The following BFSP2 variants were observed in gnomAD, a reference collection of about 807,000 sequenced individuals.
BFSP2 encodes phakinin.
In BFSP2, 38 loss-of-function variants were observed where a neutral mutation model predicts 44.9. The ratio of observed to expected loss-of-function variants is 0.85; its 90% CI spans 0.65 to 1.11. The LOEUF is 1.11. Ranked by LOEUF, BFSP2 falls within the 50% of genes least tolerant of loss-of-function variation. The pLI, the probability that BFSP2 is intolerant of heterozygous loss-of-function variation, is 0.00. For missense variants in BFSP2, 525 were observed against 533.0 expected (o/e 0.99, Z 0.15); for synonymous variants, 197 against 209.9 (o/e 0.94, Z 0.53).
At chr3:133,435,053 A>G (rs1309324750) in intron 1 of BFSP2, among the ~76,000 whole-genome samples, 4 of 152,224 alleles carry the variant, frequency 2.6e-5, no homozygotes, top group African/African-American at 9.6e-5. Flanking sequence ...ACTGAAGAAA[A>G]ATGAGTGCCC....
intron 1 of BFSP2, among the ~76,000 whole-genome samples, chr3:133,403,699 A>G (rs1312295756): frequency 2.0e-5 from 3 of 152,160 alleles, no homozygotes; most frequent in South Asian, 2.1e-4. Flanking sequence ...GGGGGAGAAG[A>G]GTTGGAAAGG....
intron 6 of BFSP2, among the ~76,000 whole-genome samples, chr3:133,473,438 C>CAAAAAAAA (rs748691333): frequency 1.4e-5 from 1 of 73,116 alleles, no homozygotes; most frequent in African/African-American, 5.2e-5. Context: ...GAGGCAGCAG[C>CAAAAAAAA]AAAAAAAAAA....
intron 4 of BFSP2, 129 bp from the exon 5 acceptor site, chr3:133,466,699 A>AAAAAAAAGTT: frequency 1.5e-6 from 1 of 674,344 alleles, no homozygotes; most frequent in Non-Finnish European, 2.4e-6. Context: ...AAAAAAAAAG[A>AAAAAAAAGTT]TGTTTCCACG....
At chr3:133,466,394 T>G (rs2074109482) in intron 4 of BFSP2, among the ~76,000 whole-genome samples, 1 of 151,814 alleles carries the variant, frequency 6.6e-6, no homozygotes, top group Admixed American at 6.6e-5. Context: ...AAAAAGACAT[T>G]TCCAGCCAGG....
chr3:133,471,233 T>C (rs2074158767), intron 5 of BFSP2, among the ~76,000 whole-genome samples: 1 of 151,566 alleles, frequency 6.6e-6, no homozygotes, highest in Non-Finnish European at 1.5e-5. Context: ...GAACTAGAGG[T>C]GGGGAGATGA....
chr3:133,406,287 GGTTTCTGGAAGTTGAAT>G (rs1479009574), intron 1 of BFSP2, among the ~76,000 whole-genome samples: 1 of 152,284 alleles, frequency 6.6e-6, no homozygotes, highest in African/African-American at 2.4e-5. Context: ...TAAGAAAGGT[GGTTTCTGGAAGTTGAAT>G]GTGTCTGGAA....
chr3:133,432,788 C>T (rs2073736743), intron 1 of BFSP2, among the ~76,000 whole-genome samples: 1 of 152,176 alleles, frequency 6.6e-6, no homozygotes, highest in African/African-American at 2.4e-5. Flanking sequence ...ACCCCAGCAC[C>T]TTCTACAAAA....
chr3:133,446,395 T>C (rs958516064), intron 1 of BFSP2, among the ~76,000 whole-genome samples: 1 of 151,244 alleles, frequency 6.6e-6, no homozygotes, highest in African/African-American at 2.4e-5. Flanking sequence ...CACTCCAGCC[T>C]GGGCAACAAA....
intron 1 of BFSP2, among the ~76,000 whole-genome samples, chr3:133,430,757 C>T (rs1161959020): frequency 3.9e-5 from 6 of 152,198 alleles, no homozygotes; most frequent in East Asian, 3.9e-4. Flanking sequence ...CCCCAAGCGT[C>T]GCTGAGTCTT....
rs542822013 is a variant in BFSP2 at position 133,431,698 on chromosome 3, C to T, written c.490-15619C>T. On this transcript the variant is annotated intron_variant, in intron 1 of 6. Coordinates refer to ENST00000302334, the MANE Select transcript of BFSP2 (RefSeq NM_003571.4). ...TAAGTCCATCCCCTTCTTATCAATACGAGGCTACCCACTCCACATTACCTT... is the reference window on the plus strand; with the variant it reads ...TAAGTCCATCCCCTTCTTATCAATATGAGGCTACCCACTCCACATTACCTT... Among the ~76,000 whole-genome samples the T allele has an allele frequency of 3.3e-5, 5 of 152,194 alleles. No homozygotes were observed. In the East Asian group the frequency reaches 5.8e-4, roughly 18 times the overall value.
At chr3:133,418,166 C>T (rs1477509083) in intron 1 of BFSP2, among the ~76,000 whole-genome samples, 2 of 152,020 alleles carry the variant, frequency 1.3e-5, no homozygotes, top group Non-Finnish European at 2.9e-5. Flanking sequence ...TCTCTCCCCT[C>T]TCTTCCCACC....
intron 6 of BFSP2, among the ~76,000 whole-genome samples, chr3:133,472,983 T>TA (rs1422811996): frequency 6.6e-6 from 1 of 151,238 alleles, no homozygotes; most frequent in African/African-American, 2.4e-5. Context: ...GGGTCTCGTC[T>TA]CGGTATGTTG....
intron 1 of BFSP2, among the ~76,000 whole-genome samples, chr3:133,422,390 T>C (rs1309770713): frequency 1.3e-5 from 2 of 152,200 alleles, no homozygotes; most frequent in African/African-American, 2.4e-5. Flanking sequence ...GTAGATGAGA[T>C]GGATCGTTTC....
At chr3:133,439,026 T>C (rs565688298) in intron 1 of BFSP2, among the ~76,000 whole-genome samples, 1 of 152,340 alleles carries the variant, frequency 6.6e-6, no homozygotes, top group Non-Finnish European at 1.5e-5. Flanking sequence ...TTACTTAAAC[T>C]CTCTGAGACT....
In BFSP2 at chr3:133,446,608, A is replaced by G. The variant is rs868726127; in HGVS notation, c.490-709A>G. Among the ~76,000 whole-genome samples, 2 of 46,726 alleles carry G rather than the reference A, an allele frequency of 4.3e-5. 1 individual carries two copies. The highest frequency in any genetic ancestry group is 2.0e-4 in the African/African-American group (2 of 10,204). 30.7% of individuals were successfully genotyped at this position (46,726 alleles called of 152,430 possible). ...TATATATATATATATATATATATAT[A>G]TATATATATATATATATATATATAT... On this transcript the variant is annotated intron_variant, in intron 1 of 6. Coordinates refer to ENST00000302334, the MANE Select transcript of BFSP2 (RefSeq NM_003571.4).
intron 1 of BFSP2, among the ~76,000 whole-genome samples, chr3:133,447,000 C>T (rs761824076): frequency 6.6e-6 from 1 of 151,922 alleles, no homozygotes; most frequent in Non-Finnish European, 1.5e-5. Context: ...TCTAAGGAGC[C>T]GGACTCTGCC....
chr3:133,408,212 A>C (rs929079324), intron 1 of BFSP2, among the ~76,000 whole-genome samples: 1 of 152,162 alleles, frequency 6.6e-6, no homozygotes, highest in Non-Finnish European at 1.5e-5. Context: ...TAAATGTTAG[A>C]GATATGAACA....
intron 1 of BFSP2, among the ~76,000 whole-genome samples, chr3:133,439,895 G>A (rs2073827233): frequency 6.6e-6 from 1 of 151,936 alleles, no homozygotes; most frequent in Non-Finnish European, 1.5e-5. Context: ...CAGTAGAAAG[G>A]GAGAGGGTGA....
chr3:133,443,848 A>G (rs1445877984), intron 1 of BFSP2, among the ~76,000 whole-genome samples: 1 of 152,082 alleles, frequency 6.6e-6, no homozygotes, highest in East Asian at 1.9e-4. Context: ...CTTTACTCCA[A>G]ACAAACCATT....
Sources: allele counts gnomAD v4.1 joint callset (sites outside exome capture counted in the v4.1 genomes callset), GRCh38; gene constraint gnomAD v4.1.1; transcripts MANE v1.5; gene names NCBI Gene and HGNC (gene_info 2026-07-23, HGNC 2026-07-21).